ARHGAP29: variants seen among roughly 807,000 people sequenced by gnomAD.
The protein encoded by ARHGAP29 is rho GTPase-activating protein 29.
ARHGAP29 carries 43 observed loss-of-function variants against 122.6 expected under a neutral mutation model. The ratio of observed to expected loss-of-function variants is 0.35; its 90% CI spans 0.27 to 0.45. The LOEUF is 0.45. Among genes scored for constraint, ARHGAP29 ranks in the 20% least tolerant of loss-of-function variants. The pLI is 1.00. For synonymous variants in ARHGAP29, 506 were observed against 497.1 expected, an observed-to-expected ratio of 1.02 and a Z score of -0.24; for missense variants, 1,303 against 1,477.2, an observed-to-expected ratio of 0.88 and a Z score of 1.93.
chr1:94,208,567 C>G (rs1489475361), intron 5 of ARHGAP29, among the ~76,000 whole-genome samples: 1 of 151,836 alleles, frequency 6.6e-6, no homozygotes, highest in African/African-American at 2.4e-5. Flanking sequence ...TCGAGCAATT[C>G]TCCTGCCTCA....
chr1:94,205,364 GT>G (rs1651126398), intron 6 of ARHGAP29, among the ~76,000 whole-genome samples, 166 bp from the exon 7 acceptor site: 1 of 151,876 alleles, frequency 6.6e-6, no homozygotes, highest in Non-Finnish European at 1.5e-5. Context: ...ACTTAAAATG[GT>G]TTCAAACTAT....
chr1:94,179,942 T>C lies in ARHGAP29; in HGVS notation c.2263A>G (p.Ile755Val). The C allele has an allele frequency of 6.2e-7, 1 of 1,603,328 alleles. No individual in the cohort carries two copies. The highest frequency in any genetic ancestry group is 8.5e-7 in the Non-Finnish European group (1 of 1,176,808). Reference sequence around the variant, plus strand: ...AATTCCTTGTACAATCGAAATAAAATAAATGGTTCTGGGAGCTAAAGAAAT... The same window carrying C: ...AATTCCTTGTACAATCGAAATAAAACAAATGGTTCTGGGAGCTAAAGAAAT... The part of the protein sequence containing the change: ...LYLRQLPEPF[I>V]LFRLYKEFID... The change falls in exon 20 of 23, where the codon ATT (isoleucine) becomes GTT (valine). Residue 755 changes from isoleucine (I) to valine (V), a missense_variant. Coordinates refer to ENST00000260526, the MANE Select transcript of ARHGAP29 (RefSeq NM_004815.4).
intron 5 of ARHGAP29, 48 bp downstream of exon 5, chr1:94,208,784 T>G: frequency 6.4e-7 from 1 of 1,571,274 alleles, no homozygotes; most frequent in Non-Finnish European, 8.8e-7. Flanking sequence ...AGTTGAAACA[T>G]GAAGTTAAAA....
At position 94,237,518 on chromosome 1, in the gene ARHGAP29, G is replaced by A; in HGVS notation, c.-136C>T. On this transcript the variant is annotated 5_prime_UTR_variant, in exon 1 of 23. Transcript: ENST00000260526. Reference sequence around the variant, plus strand: ...TCGCTGCCCCCATCCCCCACGGCCTGCGGACGCCCGGCCAAATCTCAGCCG... The same window carrying A: ...TCGCTGCCCCCATCCCCCACGGCCTACGGACGCCCGGCCAAATCTCAGCCG... 1.0e-6 allele frequency: 1 copy of A among 989,712 alleles called. No individual in the cohort carries two copies. The highest frequency in any genetic ancestry group is 1.2e-6 in the Non-Finnish European group (1 of 832,938). 61.3% of individuals were successfully genotyped at this position (989,712 alleles called of 1,614,324 possible).
At chr1:94,204,552 T>C (rs1387944067) in intron 7 of ARHGAP29, among the ~76,000 whole-genome samples, 1 of 152,238 alleles carries the variant, frequency 6.6e-6, no homozygotes, top group Non-Finnish European at 1.5e-5. Flanking sequence ...AAATCTGCTA[T>C]ATGACCTTAA....
chr1:94,183,784 A>G (rs1217247058), intron 19 of ARHGAP29, among the ~76,000 whole-genome samples: 1 of 152,238 alleles, frequency 6.6e-6, no homozygotes, highest in East Asian at 1.9e-4. Context: ...AAAGCTTAAC[A>G]ATACATTGTT....
At chr1:94,301,879 A>T in the ARHGAP29 span, among the ~76,000 whole-genome samples, 1 of 152,066 alleles carries the variant, frequency 6.6e-6, no homozygotes, top group Admixed American at 6.6e-5. Flanking sequence ...GGATAAGTTA[A>T]CCCCTCTAAG....
chr1:94,223,342 C>A (rs1652429611), intron 2 of ARHGAP29, among the ~76,000 whole-genome samples: 2 of 152,170 alleles, frequency 1.3e-5, no homozygotes, highest in South Asian at 4.1e-4. Flanking sequence ...TGAAACCAGA[C>A]TGCCTGACTT....
intron 12 of ARHGAP29, chr1:94,190,799 A>C (rs1650085973): frequency 6.6e-6 from 1 of 152,140 alleles, no homozygotes; most frequent in Admixed American, 6.6e-5. Flanking sequence ...CGTTCTCCTG[A>C]GGGTGGTACG....
intron 1 of ARHGAP29, among the ~76,000 whole-genome samples, chr1:94,253,574 C>A (rs1444707425): frequency 6.6e-6 from 1 of 152,148 alleles, no homozygotes; most frequent in Non-Finnish European, 1.5e-5. Flanking sequence ...GCTTAACATA[C>A]AACCAGTGAG....
Position 94,184,136 on chromosome 1 carries a change from G to C in ARHGAP29, c.2247+15C>G, listed in dbSNP as rs772264909. ...TTTTAATTTAATGGTGGGTTTCAAG[G>C]GTAAAAATTTTTACCTGCCGAAGGT... On this transcript the variant is annotated intron_variant, in intron 19 of 22. Coordinates refer to ENST00000260526, the MANE Select transcript of ARHGAP29 (RefSeq NM_004815.4). 1.1e-5 allele frequency: 18 copies of C among 1,600,430 alleles called. No homozygotes were observed. Among genetic ancestry groups the C allele is most frequent in the Non-Finnish European group, 1.3e-5 (15 of 1,176,460 alleles).
intron 1 of ARHGAP29, among the ~76,000 whole-genome samples, chr1:94,256,794 G>A (rs1160902427): frequency 6.6e-6 from 1 of 151,352 alleles, no homozygotes. Context: ...TCCTGACCTC[G>A]TGATCCGCCC....
Position 94,169,425 on chromosome 1 carries a change from G to C in ARHGAP29, c.*4444C>G, listed in dbSNP as rs1468083281. Reference sequence around the variant, plus strand: ...GATGAGACAGCAGCTGGCATGTCAAGAGGTTGAGGGAGGGAGGAAGAATGA... The same window carrying C: ...GATGAGACAGCAGCTGGCATGTCAACAGGTTGAGGGAGGGAGGAAGAATGA... On this transcript the variant is annotated 3_prime_UTR_variant, in exon 23 of 23. Coordinates refer to ENST00000260526, the MANE Select transcript of ARHGAP29 (RefSeq NM_004815.4). 6.6e-6 allele frequency among the ~76,000 whole-genome samples: 1 copy of C among 152,168 alleles called. No homozygotes were observed. Among genetic ancestry groups the C allele is most frequent in the African/African-American group, 2.4e-5 (1 of 41,444 alleles).
At chr1:94,210,831 A>G (rs1185355431) in intron 3 of ARHGAP29, among the ~76,000 whole-genome samples, 1 of 151,850 alleles carries the variant, frequency 6.6e-6, no homozygotes, top group Non-Finnish European at 1.5e-5. Flanking sequence ...TGTGGCCAAG[A>G]GTTCAAGACT....
the ARHGAP29 span, among the ~76,000 whole-genome samples, chr1:94,285,427 T>C: frequency 2.0e-5 from 3 of 151,792 alleles, no homozygotes; most frequent in African/African-American, 7.3e-5. Context: ...TAATAGAGCA[T>C]GATAAGAGCT....
intron 15 of ARHGAP29, among the ~76,000 whole-genome samples, chr1:94,188,355 T>A (rs1207297063): frequency 6.6e-6 from 1 of 152,040 alleles, no homozygotes; most frequent in East Asian, 1.9e-4. Context: ...AGCAATTAAG[T>A]ACCAAACAAT....
rs1396069980 is a variant in ARHGAP29, at chr1:94,255,330, C to A, written c.-33+19682G>T. ...CCTCAAAAGAAACCAACCATGCTGACACCTTGATGTCAAACTTCTAGCCTC... is the reference window on the plus strand; with the variant it reads ...CCTCAAAAGAAACCAACCATGCTGAAACCTTGATGTCAAACTTCTAGCCTC... On this transcript the variant is annotated intron_variant and NMD_transcript_variant, in intron 1 of 25. Coordinates refer to the ARHGAP29 transcript ENST00000552844. 1.2e-4 allele frequency among the ~76,000 whole-genome samples: 19 copies of A among 152,192 alleles called. 1 individual carries two copies. The highest frequency in any genetic ancestry group is 1.2e-3 in the Admixed American group (19 of 15,284).
intron 3 of ARHGAP29, among the ~76,000 whole-genome samples, chr1:94,211,967 C>A (rs1469745869): frequency 6.6e-6 from 1 of 150,748 alleles, no homozygotes; most frequent in African/African-American, 2.4e-5. Flanking sequence ...ATGTGAATAA[C>A]ACACTTTTAA....
chr1:94,311,593 A>G, the ARHGAP29 span, among the ~76,000 whole-genome samples: 1 of 152,182 alleles, frequency 6.6e-6, no homozygotes, highest in African/African-American at 2.4e-5. Context: ...CCCAACAATA[A>G]CATCAAATTT....
Sources: gnomAD v4.1 joint callset for allele counts (sites outside exome capture counted in the v4.1 genomes callset) on GRCh38, gnomAD v4.1.1 for gene constraint, MANE v1.5 for transcripts, NCBI Gene and HGNC (gene_info 2026-07-23, HGNC 2026-07-21) for gene names.